The following FLT3 variants were observed in gnomAD, a reference collection of about 807,000 sequenced individuals.
FLT3 encodes fms related receptor tyrosine kinase 3.
In FLT3, 46 loss-of-function variants were observed where a neutral mutation model predicts 126.6. That is an observed-to-expected ratio of 0.36 (90% CI 0.29 to 0.46). The LOEUF (loss-of-function observed/expected upper bound fraction) is 0.46, where lower values mean the gene tolerates loss of function less well. Among genes scored for constraint, FLT3 ranks in the 20% least tolerant of loss-of-function variants. The pLI, the probability that FLT3 is intolerant of heterozygous loss-of-function variation, is 1.00. For missense variants in FLT3, 1,069 were observed against 1,190.3 expected (o/e 0.90, Z 1.50); for synonymous variants, 404 against 434.4 (o/e 0.93, Z 0.87).
intron 12 of FLT3, among the ~76,000 whole-genome samples, chr13:28,035,294 T>C (rs1873730100): frequency 6.6e-6 from 1 of 152,202 alleles, no homozygotes. Context: ...CTGTGACACA[T>C]GAGTCACAAG....
chr13:28,031,334 G>A (rs1873325324), intron 15 of FLT3, among the ~76,000 whole-genome samples: 1 of 152,210 alleles, frequency 6.6e-6, no homozygotes, highest in South Asian at 2.1e-4. Flanking sequence ...AGCATTCAAT[G>A]TCTAAACTGA....
In FLT3 at chr13:28,026,583, G is replaced by A. The variant is rs549107019; in HGVS notation, c.2207+505C>T. Among the ~76,000 whole-genome samples the A allele has an allele frequency of 2.1e-3, 246 of 116,918 alleles. 1 individual carries two copies. The Middle Eastern group carries it at 0.027, about 13-fold the overall frequency. 76.7% of individuals were successfully genotyped at this position (116,918 alleles called of 152,430 possible). A position where few individuals can be genotyped will look rare whatever the true frequency, so the allele number is the denominator to read the frequency against. On this transcript the variant is annotated intron_variant, in intron 17 of 23. Transcript: ENST00000241453. The stretch of plus-strand genomic sequence containing the variant: ...CATCTCTCAGGATCCCCATGGATGC[G>A]GAGGATAAACACAGAGCAGAGACAA...
intron 8 of FLT3, among the ~76,000 whole-genome samples, chr13:28,048,855 C>T (rs9513001): frequency 0.15 from 22,778 of 152,130 alleles, 2,039 homozygotes; most frequent in Middle Eastern, 0.26. Flanking sequence ...AAGAGCATCG[C>T]TGTATTTCTC....
At chr13:28,026,517 C>G (rs954099969) in intron 17 of FLT3, among the ~76,000 whole-genome samples, 1 of 152,138 alleles carries the variant, frequency 6.6e-6, no homozygotes. Context: ...CTACAGCCCT[C>G]ATTTATGCCC....
At chr13:28,097,586 C>G (rs1159578935) in intron 1 of FLT3, among the ~76,000 whole-genome samples, 3 of 150,978 alleles carry the variant, frequency 2.0e-5, no homozygotes, top group Non-Finnish European at 4.4e-5. Context: ...CGTGAAGTAC[C>G]TAAAAAGAAA....
In FLT3 at chr13:28,050,145, C is replaced by T. The variant is rs764288814; in HGVS notation, c.692G>A (p.Cys231Tyr). The T allele has an allele frequency of 1.2e-6, 2 of 1,614,066 alleles. No homozygotes were observed. Among genetic ancestry groups the T allele is most frequent in the Non-Finnish European group, 1.7e-6 (2 of 1,179,918 alleles). Residue 231 changes from cysteine to tyrosine, a missense_variant, in exon 6 of 24, where the codon TGC (cysteine) becomes TAC (tyrosine). By Grantham distance (194) the Cys-to-Tyr change is radical. Transcript: ENST00000241453. ...LHELFGTDIR[C>Y]CARNELGREC... ...CCTGCCCAGTTCATTTCTGGCACAG[C>T]ACCTTATGTCCGTCCCAAATAATTC...
chr13:28,065,831 G>GTAATAA (rs59880929), intron 2 of FLT3, among the ~76,000 whole-genome samples: 17 of 126,890 alleles, frequency 1.3e-4, no homozygotes, highest in African/African-American at 3.4e-4. Context: ...TTGTCTCAAA[G>GTAATAA]TAATAATAAT....
chr13:28,003,758 A>G lies in FLT3; in HGVS notation c.*294T>C. 4 of 389,562 alleles carry G rather than the reference A, an allele frequency of 1.0e-5. No homozygotes were observed. The East Asian group carries it at 1.5e-4, about 14-fold the overall frequency. The allele number at this position is 389,562 out of a possible 1,614,324, so 24.1% of individuals were successfully genotyped here. On this transcript the variant is annotated 3_prime_UTR_variant, in exon 24 of 24. Transcript: ENST00000241453. ...TTTTGTTTTATGTATTTACAAGAAT[A>G]TACTGTACTTCAGGTACACAATTCA...
intron 2 of FLT3, among the ~76,000 whole-genome samples, chr13:28,062,492 T>A (rs1876660060): frequency 6.6e-6 from 1 of 152,006 alleles, no homozygotes; most frequent in Admixed American, 6.6e-5. Flanking sequence ...CCTGCAATCC[T>A]AGCACTTTGG....
chr13:28,067,951 C>A, intron 2 of FLT3: 1 of 343,650 alleles, frequency 2.9e-6, no homozygotes, highest in Non-Finnish European at 5.7e-6. Context: ...TTGTCAAACA[C>A]ATTTGGTCAA....
chr13:28,073,936 C>A (rs1402540405), intron 1 of FLT3, among the ~76,000 whole-genome samples: 2 of 71,752 alleles, frequency 2.8e-5, no homozygotes, highest in Middle Eastern at 4.8e-3. Flanking sequence ...CCAGATCCTG[C>A]CTCTAAAAAA....
intron 19 of FLT3, among the ~76,000 whole-genome samples, chr13:28,020,993 G>A (rs1267220966): frequency 6.6e-6 from 1 of 152,142 alleles, no homozygotes; most frequent in African/African-American, 2.4e-5. Flanking sequence ...TGAAGGGGAA[G>A]CAGTGCCCCT....
chr13:28,024,313 G>A (rs1872636634), intron 18 of FLT3, among the ~76,000 whole-genome samples: 1 of 151,742 alleles, frequency 6.6e-6, no homozygotes, highest in Non-Finnish European at 1.5e-5. Context: ...TGTATTTTTA[G>A]TAGAGACAAG....
At chr13:28,039,173 C>T (rs1874112460) in intron 9 of FLT3, among the ~76,000 whole-genome samples, 1 of 152,078 alleles carries the variant, frequency 6.6e-6, no homozygotes, top group Non-Finnish European at 1.5e-5. Flanking sequence ...CTCATGGGAG[C>T]AGAATATCAT....
At chr13:28,022,472 A>G (rs1345896722) in intron 19 of FLT3, among the ~76,000 whole-genome samples, 2 of 152,114 alleles carry the variant, frequency 1.3e-5, no homozygotes, top group African/African-American at 4.8e-5. Flanking sequence ...AGATCACGCC[A>G]CTGCACTCCA....
At chr13:28,089,903 T>C (rs929298147) in intron 1 of FLT3, among the ~76,000 whole-genome samples, 1 of 151,124 alleles carries the variant, frequency 6.6e-6, no homozygotes, top group Non-Finnish European at 1.5e-5. Flanking sequence ...CCCGGCTAAG[T>C]TTTATATATA....
At chr13:28,096,957 C>G (rs538039485) in intron 1 of FLT3, among the ~76,000 whole-genome samples, 1 of 152,258 alleles carries the variant, frequency 6.6e-6, no homozygotes, top group East Asian at 1.9e-4. Context: ...GGCACGGTAG[C>G]TCACACCTGT....
intron 1 of FLT3, among the ~76,000 whole-genome samples, chr13:28,099,905 C>G (rs944423559): frequency 2.0e-5 from 3 of 152,118 alleles, no homozygotes; most frequent in Non-Finnish European, 4.4e-5. Context: ...TTCGTTGATC[C>G]AACCAAAATT....
intron 16 of FLT3, 62 bp downstream of exon 16, chr13:28,028,116 C>T: frequency 1.2e-6 from 1 of 813,974 alleles, no homozygotes; most frequent in Non-Finnish European, 2.2e-6. Flanking sequence ...AGAGAGCAAA[C>T]ATCCTCTTTG....
Sources: gnomAD v4.1 joint callset for allele counts (sites outside exome capture counted in the v4.1 genomes callset) on GRCh38, gnomAD v4.1.1 for gene constraint, MANE v1.5 for transcripts, NCBI Gene and HGNC (gene_info 2026-07-23, HGNC 2026-07-21) for gene names.